The following INTS4 variants were observed in gnomAD, a reference collection of about 807,000 sequenced individuals.
INTS4 encodes integrator complex subunit 4.
In INTS4, 70 loss-of-function variants were observed where a neutral mutation model predicts 119.5. The ratio of observed to expected loss-of-function variants is 0.59; its 90% confidence interval spans 0.48 to 0.71. INTS4 has a LOEUF of 0.71. INTS4 is among the 30% of genes least tolerant of loss of function. INTS4 has a pLI of 0.00. For synonymous variants in INTS4, 316 were observed against 419.6 expected, an observed-to-expected ratio of 0.75 and a Z score of 3.02; for missense variants, 867 against 1,173.2, an observed-to-expected ratio of 0.74 and a Z score of 3.81.
chr11:77,883,925 T>C lies in INTS4; in HGVS notation c.2620A>G (p.Met874Val), dbSNP rs1951888788. The change falls in exon 22 of 23, where the codon ATG becomes GTG. Residue 874 changes from methionine to valine, a missense_variant. Coordinates refer to ENST00000534064, the MANE Select transcript of INTS4 (RefSeq NM_033547.4). ...AAGTCTGCAGGCTTGGGGTGAATCA[T>C]CTGAGCCTGGCCATCTGGATATAAG... ...QVLYPDGQAQ[M>V]IHPKPADFRN... The C allele has an allele frequency of 1.2e-6, 2 of 1,613,268 alleles. No individual in the cohort carries two copies. Among genetic ancestry groups the C allele is most frequent in the South Asian group, 2.2e-5 (2 of 90,912 alleles).
intron 8 of INTS4, among the ~76,000 whole-genome samples, chr11:77,946,953 T>G (rs1185896755): frequency 6.7e-6 from 1 of 148,758 alleles, no homozygotes; most frequent in Non-Finnish European, 1.5e-5. Context: ...GAAATCAATA[T>G]CATAAAAAAG....
intron 19 of INTS4, among the ~76,000 whole-genome samples, chr11:77,892,184 G>T (rs533159268): frequency 0.01 from 1,550 of 152,190 alleles, 28 homozygotes; most frequent in African/African-American, 0.036. Flanking sequence ...CCTACGAAGC[G>T]CCAAGCACTA....
intron 15 of INTS4, among the ~76,000 whole-genome samples, chr11:77,909,084 C>CT (rs1330320687): frequency 1.3e-5 from 2 of 152,190 alleles, no homozygotes; most frequent in Non-Finnish European, 2.9e-5. Context: ...ATTGGTGTGT[C>CT]TGTCTGTCTC....
chr11:77,956,774 T>A (rs1222010692), intron 7 of INTS4, among the ~76,000 whole-genome samples: 1 of 146,874 alleles, frequency 6.8e-6, no homozygotes, highest in Non-Finnish European at 1.5e-5. Context: ...AATAAATACA[T>A]AAGTAAGTAA....
intron 5 of INTS4, 128 bp from the exon 6 acceptor site, chr11:77,960,519 G>A (rs1033589848): frequency 6.6e-6 from 4 of 605,236 alleles, no homozygotes; most frequent in African/African-American, 1.9e-5. Flanking sequence ...CAAAATTAGT[G>A]CTATATAAAT....
chr11:77,902,726 C>T (rs1261851609), intron 17 of INTS4, among the ~76,000 whole-genome samples: 1 of 152,166 alleles, frequency 6.6e-6, no homozygotes, highest in Non-Finnish European at 1.5e-5. Context: ...CATTTACAGA[C>T]TCCCTATCTG....
chr11:77,988,491 C>G, intron 2 of INTS4, among the ~76,000 whole-genome samples: 1 of 152,014 alleles, frequency 6.6e-6, no homozygotes. Flanking sequence ...GGACAAGGAA[C>G]ATAATTAACA....
chr11:77,957,743 A>C (rs1685631890), intron 7 of INTS4, among the ~76,000 whole-genome samples: 1 of 137,790 alleles, frequency 7.3e-6, no homozygotes, highest in African/African-American at 2.8e-5. Flanking sequence ...ATCTCAGCTC[A>C]CCACAATCTC....
intron 19 of INTS4, among the ~76,000 whole-genome samples, chr11:77,893,891 T>TTAAATAAATAAATAAGTAAA (rs1952390120): frequency 7.3e-6 from 1 of 137,868 alleles, no homozygotes. Context: ...AGACTCTGTC[T>TTAAATAAATAAATAAGTAAA]TAAATAAATA....
chr11:77,979,977 C>T (rs1223221215), intron 3 of INTS4, among the ~76,000 whole-genome samples: 1 of 41,652 alleles, frequency 2.4e-5, no homozygotes, highest in Non-Finnish European at 4.9e-5. Flanking sequence ...GACTCCATCT[C>T]AAAAAAAAAA....
At chr11:77,961,899 A>G (rs149059612) in intron 4 of INTS4, among the ~76,000 whole-genome samples, 1 of 152,318 alleles carries the variant, frequency 6.6e-6, no homozygotes, top group African/African-American at 2.4e-5. Context: ...GTCTTTGGCT[A>G]TTTCGAATAA....
At chr11:77,968,236 T>C (rs1591122818) in intron 4 of INTS4, among the ~76,000 whole-genome samples, 1 of 152,308 alleles carries the variant, frequency 6.6e-6, no homozygotes, top group Non-Finnish European at 1.5e-5. Context: ...CTTAAAAAAA[T>C]ACATATGAAA....
At chr11:77,889,126 A>G (rs961620760) in intron 21 of INTS4, among the ~76,000 whole-genome samples, 2 of 152,202 alleles carry the variant, frequency 1.3e-5, no homozygotes, top group African/African-American at 4.8e-5. Flanking sequence ...ACATGCACAC[A>G]TATGTTTATT....
chr11:77,885,483 T>G (rs954184032), intron 21 of INTS4, among the ~76,000 whole-genome samples: 4 of 152,140 alleles, frequency 2.6e-5, no homozygotes, highest in Non-Finnish European at 5.9e-5. Context: ...TGATCCTTAT[T>G]ATCTTTAAAG....
downstream of INTS4, among the ~76,000 whole-genome samples, chr11:77,875,173 A>T (rs1474215672): frequency 6.6e-6 from 1 of 152,044 alleles, no homozygotes; most frequent in East Asian, 1.9e-4. Flanking sequence ...CTTTTTTTGC[A>T]GCATGCCATG....
intron 4 of INTS4, among the ~76,000 whole-genome samples, chr11:77,962,347 G>A (rs1342322098): frequency 6.6e-6 from 1 of 152,154 alleles, no homozygotes. Context: ...TTCCACCAGT[G>A]CTGCATAAGT....
At chr11:77,961,818 T>C (rs961496043) in intron 4 of INTS4, among the ~76,000 whole-genome samples, 1 of 152,264 alleles carries the variant, frequency 6.6e-6, no homozygotes, top group Non-Finnish European at 1.5e-5. Context: ...TTGTTACTTA[T>C]ATAGTATTCA....
chr11:77,895,733 C>G (rs1952488984), intron 18 of INTS4, among the ~76,000 whole-genome samples: 1 of 151,860 alleles, frequency 6.6e-6, no homozygotes, highest in African/African-American at 2.4e-5. Flanking sequence ...CATTTGTTTG[C>G]CTGATTATAT....
At position 77,978,848 on chromosome 11, in the gene INTS4, A is replaced by C. The variant is rs1021560870; in HGVS notation, c.471+148T>G. On this transcript the variant is annotated intron_variant, in intron 4 of 22. Transcript: ENST00000534064. ...TCATTTGTTTTGAAAGGATGACGAA[A>C]TACACTTTATAACAAGTGTACTTAA... 4 of 533,976 alleles carry C rather than the reference A, an allele frequency of 7.5e-6. No individual in the cohort carries two copies. In the South Asian group the frequency reaches 9.2e-5, roughly 12 times the overall value. 33.1% of individuals were successfully genotyped at this position (533,976 alleles called of 1,614,324 possible). A position where few individuals can be genotyped will look rare whatever the true frequency, so the allele number is the denominator to read the frequency against.
Sources: gnomAD v4.1 joint callset for allele counts (sites outside exome capture counted in the v4.1 genomes callset) on GRCh38, gnomAD v4.1.1 for gene constraint, MANE v1.5 for transcripts, NCBI Gene and HGNC (gene_info 2026-07-23, HGNC 2026-07-21) for gene names.